NEXMIF: variants seen among roughly 807,000 people sequenced by gnomAD.
The protein encoded by NEXMIF is neurite extension and migration factor, also known as XLMR protein related to neurite extension.
Under a neutral mutation model 62.1 loss-of-function variants are expected in NEXMIF, and 8 were observed. That is an observed-to-expected ratio of 0.13 (90% CI 0.08 to 0.23). The LOEUF (loss-of-function observed/expected upper bound fraction) is 0.23, where lower values mean the gene tolerates loss of function less well. Ranked by LOEUF, NEXMIF falls within the 10% of genes least tolerant of loss-of-function variation. The probability of loss-of-function intolerance (pLI) is 1.00; values close to 1 mark genes in which losing one functional copy is unlikely to be tolerated. For missense variants in NEXMIF, 976 were observed against 1,113.3 expected, an observed-to-expected ratio of 0.88 and a Z score of 1.75; for synonymous variants, 404 against 416.6, an observed-to-expected ratio of 0.97 and a Z score of 0.37.
chrX:74,768,260 GGATGGTCATCCTGCCTT>G (rs1237336784), intron 1 of NEXMIF, among the ~76,000 whole-genome samples: 2 of 111,699 alleles, frequency 1.8e-5, no homozygotes, highest in Non-Finnish European at 3.8e-5. Flanking sequence ...ACTCCTGGCT[GGATGGTCATCCTGCCTT>G]GATTTTCTCC....
intron 1 of NEXMIF, among the ~76,000 whole-genome samples, chrX:74,920,538 A>C (rs1037187706): frequency 9.0e-6 from 1 of 110,941 alleles, no homozygotes; most frequent in African/African-American, 3.3e-5. Flanking sequence ...CCTTTGTCAG[A>C]TGAGTAGGTT....
chrX:74,856,196 A>G (rs1569355974), intron 1 of NEXMIF, among the ~76,000 whole-genome samples: 1 of 112,230 alleles, frequency 8.9e-6, no homozygotes, highest in South Asian at 3.7e-4. Context: ...TAGGAAAACA[A>G]TGTCTCACCA....
chrX:74,873,617 A>C (rs1236635064), intron 1 of NEXMIF, among the ~76,000 whole-genome samples: 1 of 111,587 alleles, frequency 9.0e-6, no homozygotes, highest in Non-Finnish European at 1.9e-5. Flanking sequence ...ACAGTGTAAA[A>C]GTGTTCCTAT....
chrX:74,794,571 C>A (rs1410958259), intron 1 of NEXMIF, among the ~76,000 whole-genome samples: 1 of 112,528 alleles, frequency 8.9e-6, no homozygotes, highest in Non-Finnish European at 1.9e-5. Context: ...GCCCCTCCCC[C>A]AGCCTCGCTG....
intron 1 of NEXMIF, among the ~76,000 whole-genome samples, chrX:74,786,816 T>TAC (rs761602482): frequency 0.018 from 1,947 of 107,276 alleles, 40 homozygotes; most frequent in African/African-American, 0.053. Context: ...AACAAGGTTG[T>TAC]ACACACACAC....
chrX:74,860,656 G>A (rs759627663), intron 1 of NEXMIF, among the ~76,000 whole-genome samples: 113 of 111,696 alleles, frequency 1.0e-3, no homozygotes, highest in Non-Finnish European at 2.0e-3. Context: ...ATGACCAATG[G>A]TCAATGAATA....
chrX:74,886,165 A>C (rs1254217876), intron 1 of NEXMIF, among the ~76,000 whole-genome samples: 1 of 111,795 alleles, frequency 8.9e-6, no homozygotes, highest in East Asian at 2.8e-4. Flanking sequence ...AATAAGAGCT[A>C]TCTATGACAA....
intron 1 of NEXMIF, among the ~76,000 whole-genome samples, chrX:74,916,787 G>T (rs935694928): frequency 8.9e-6 from 1 of 111,867 alleles, no homozygotes; most frequent in African/African-American, 3.2e-5. Flanking sequence ...AACAATAGAA[G>T]AATGCATTGA....
intron 1 of NEXMIF, among the ~76,000 whole-genome samples, chrX:74,871,737 T>C (rs951410101): frequency 1.8e-5 from 2 of 111,726 alleles, no homozygotes; most frequent in Non-Finnish European, 3.8e-5. Context: ...TATGTCTCTA[T>C]TCTGCTCGAC....
intron 1 of NEXMIF, among the ~76,000 whole-genome samples, chrX:74,877,827 G>C (rs1443607216): frequency 9.0e-6 from 1 of 111,725 alleles, no homozygotes; most frequent in Non-Finnish European, 1.9e-5. Flanking sequence ...CTCGAGCCTT[G>C]GTTTTCAGCT....
chrX:74,875,727 G>A (rs892805251), intron 1 of NEXMIF, among the ~76,000 whole-genome samples: 5 of 112,049 alleles, frequency 4.5e-5, no homozygotes, highest in African/African-American at 1.6e-4. Context: ...TCTTGGGAGA[G>A]TGTATGTGTC....
intron 1 of NEXMIF, among the ~76,000 whole-genome samples, chrX:74,783,555 G>T (rs1194969621): frequency 9.0e-6 from 1 of 111,627 alleles, no homozygotes; most frequent in Non-Finnish European, 1.9e-5. Context: ...ATAAAGTCTG[G>T]CAGCAGAGGG....
intron 1 of NEXMIF, among the ~76,000 whole-genome samples, chrX:74,851,590 GAA>G (rs372274176): frequency 7.8e-5 from 8 of 102,189 alleles, no homozygotes; most frequent in South Asian, 4.2e-4. Context: ...GTGCTTAAAG[GAA>G]AAAAAAAAAA....
chrX:74,842,580 T>A (rs1414723133), intron 1 of NEXMIF, among the ~76,000 whole-genome samples: 1 of 111,800 alleles, frequency 8.9e-6, no homozygotes, highest in African/African-American at 3.3e-5. Flanking sequence ...TAATTTGAGA[T>A]CTTTCTAACT....
chrX:74,755,493 A>G (rs1030186993), intron 1 of NEXMIF, among the ~76,000 whole-genome samples: 9 of 111,432 alleles, frequency 8.1e-5, no homozygotes, highest in Non-Finnish European at 1.7e-4. Flanking sequence ...GGTCTTCTAG[A>G]TATTGGTTCA....
At chrX:74,791,978 G>A (rs1240273672) in intron 1 of NEXMIF, among the ~76,000 whole-genome samples, 7 of 110,613 alleles carry the variant, frequency 6.3e-5, no homozygotes, top group Admixed American at 1.9e-4. Flanking sequence ...ATTTCCTTCA[G>A]TTCTGCTCTG....
chrX:74,881,215 C>T (rs1028420527), intron 1 of NEXMIF, among the ~76,000 whole-genome samples: 1 of 111,371 alleles, frequency 9.0e-6, no homozygotes, highest in Non-Finnish European at 1.9e-5. Flanking sequence ...TGTTTTCAGG[C>T]ATGTGTGCTG....
In NEXMIF at chrX:74,863,071, C is replaced by G. The variant is rs535897581; in HGVS notation, c.-48+61812G>C. Among the ~76,000 whole-genome samples the G allele has an allele frequency of 4.6e-5, 5 of 109,566 alleles. No individual in the cohort carries two copies. In the South Asian group the frequency reaches 2.0e-3, roughly 44 times the overall value. On this transcript the variant is annotated intron_variant, in intron 1 of 3. Coordinates refer to ENST00000055682, the MANE Select transcript of NEXMIF (RefSeq NM_001008537.3). ...CTTGTAGTCCCCCCTATTCGGGAGG[C>G]TGAGGCATGAGAATCACTTGAACCC...
intron 1 of NEXMIF, among the ~76,000 whole-genome samples, chrX:74,749,328 A>G (rs940968073): frequency 3.6e-5 from 4 of 110,808 alleles, no homozygotes; most frequent in South Asian, 3.9e-4. Context: ...ATGAAATGCT[A>G]CAAGTCTCCC....
Sources: allele counts gnomAD v4.1 joint callset (sites outside exome capture counted in the v4.1 genomes callset), GRCh38; gene constraint gnomAD v4.1.1; transcripts MANE v1.5; gene names NCBI Gene and HGNC (gene_info 2026-07-23, HGNC 2026-07-21).